Variants in RPTOR observed in about 807,000 individuals in gnomAD.
RPTOR encodes regulatory associated protein of MTOR complex 1, also known as regulatory-associated protein of mTOR.
In RPTOR, 21 loss-of-function variants were observed where a neutral mutation model predicts 169.9. That is an observed-to-expected ratio of 0.12 (90% confidence interval 0.09 to 0.18). RPTOR has a LOEUF of 0.18. Among genes scored for constraint, RPTOR ranks in the 10% least tolerant of loss-of-function variants. The pLI is 1.00. For synonymous variants in RPTOR, 732 were observed against 753.2 expected (o/e 0.97, Z 0.46); for missense variants, 1,133 against 1,855.9 (o/e 0.61, Z 7.16).
At chr17:80,809,021 AAT>A (rs1429737445) in intron 7 of RPTOR, among the ~76,000 whole-genome samples, 1 of 152,182 alleles carries the variant, frequency 6.6e-6, no homozygotes, top group African/African-American at 2.4e-5. Flanking sequence ...CTCCTGGATA[AAT>A]ACCGGAGAGT....
intron 3 of RPTOR, among the ~76,000 whole-genome samples, chr17:80,667,752 G>A (rs2065791608): frequency 6.6e-6 from 1 of 152,214 alleles, no homozygotes. Flanking sequence ...GATACTAACT[G>A]CAGTTTGGAC....
At position 80,730,775 on chromosome 17, in the gene RPTOR, T is replaced by TG; in HGVS notation, c.654+73dup. On this transcript the variant is annotated intron_variant, in intron 5 of 33. Coordinates refer to ENST00000306801, the MANE Select transcript of RPTOR (RefSeq NM_020761.3). The surrounding 1 kb of genome is among the most constrained non-coding windows in gnomAD (Gnocchi z 4.2). ...GTTTTCCCTGGGGGTGGGGTTTGGG[T>TG]GGGGAGGTTGGGAGGTGTTGGACAT... The TG allele has an allele frequency of 1.1e-5, 5 of 454,482 alleles. No individual in the cohort carries two copies. Among genetic ancestry groups the TG allele is most frequent in the East Asian group, 5.4e-5 (1 of 18,578 alleles). The allele number at this position is 454,482 out of a possible 1,614,324, so 28.2% of individuals were successfully genotyped here.
Position 80,823,706 on chromosome 17 carries a change from C to G in RPTOR, c.1136+483C>G, listed in dbSNP as rs978105911. The G allele has an allele frequency of 6.4e-6, 1 of 155,134 alleles. No homozygotes were observed. Among genetic ancestry groups the G allele is most frequent in the African/African-American group, 2.4e-5 (1 of 41,294 alleles). The allele number at this position is 155,134 out of a possible 1,614,324, so 9.6% of individuals were successfully genotyped here. On this transcript the variant is annotated intron_variant, in intron 9 of 33. Coordinates refer to ENST00000306801, the MANE Select transcript of RPTOR (RefSeq NM_020761.3). This position sits in a 1 kb window ranked among gnomAD's most constrained non-coding sequence, Gnocchi z 4.5. The stretch of plus-strand genomic sequence containing the variant: ...CGCTCATAAGTGTAATCCTTTATGA[C>G]TATTGATTATAGTTCTCTCCCATTG...
At chr17:80,723,931 A>C (rs967005701) in intron 4 of RPTOR, among the ~76,000 whole-genome samples, 2 of 151,394 alleles carry the variant, frequency 1.3e-5, no homozygotes, top group Non-Finnish European at 2.9e-5. Context: ...CATAGAGAGC[A>C]TGTGATTAGA....
At chr17:80,652,094 T>A (rs1419654757) in intron 3 of RPTOR, among the ~76,000 whole-genome samples, 1 of 146,646 alleles carries the variant, frequency 6.8e-6, no homozygotes, top group Non-Finnish European at 1.5e-5. Flanking sequence ...CGCTTGAACC[T>A]GGGAGGTGGA....
At chr17:80,963,225 G>A (rs981943095) in intron 33 of RPTOR, among the ~76,000 whole-genome samples, 168 bp downstream of exon 33, 1 of 152,204 alleles carries the variant, frequency 6.6e-6, no homozygotes, top group Non-Finnish European at 1.5e-5. Context: ...TAGGGCCCCT[G>A]CCCCACCCTG....
chr17:80,644,077 G>T (rs2065573995), intron 3 of RPTOR, among the ~76,000 whole-genome samples: 1 of 152,198 alleles, frequency 6.6e-6, no homozygotes, highest in Admixed American at 6.5e-5. Flanking sequence ...TTTTAGAAAA[G>T]AAAAAGTATT....
chr17:80,882,639 A>AG (rs905858555), intron 14 of RPTOR, among the ~76,000 whole-genome samples: 2 of 152,208 alleles, frequency 1.3e-5, no homozygotes, highest in African/African-American at 4.8e-5. Flanking sequence ...ATGGCTAGAA[A>AG]GACCACATGT....
intron 24 of RPTOR, among the ~76,000 whole-genome samples, chr17:80,935,417 C>A (rs2068943703): frequency 6.6e-6 from 1 of 151,976 alleles, no homozygotes; most frequent in Admixed American, 6.6e-5. Context: ...ACTAGAAGAA[C>A]AAAGTTAGAA....
intron 25 of RPTOR, among the ~76,000 whole-genome samples, chr17:80,942,399 G>A (rs1000848226): frequency 2.5e-4 from 38 of 149,558 alleles, no homozygotes; most frequent in Admixed American, 1.1e-3. Flanking sequence ...ACCCAAAACC[G>A]AGATTTCTAG....
intron 20 of RPTOR, 30 bp from the exon 21 acceptor site, chr17:80,908,781 A>G (rs2068575953): frequency 6.5e-7 from 1 of 1,547,500 alleles, no homozygotes. Context: ...GCTACTTTCC[A>G]CTAAAACATC....
intron 1 of RPTOR, among the ~76,000 whole-genome samples, chr17:80,608,606 T>C (rs781698144): frequency 1.2e-4 from 19 of 152,170 alleles, no homozygotes; most frequent in Non-Finnish European, 2.5e-4. Flanking sequence ...TGGAAGTGTG[T>C]GGGGACGTGG....
chr17:80,933,967 G>T (rs1598409804), intron 24 of RPTOR, among the ~76,000 whole-genome samples: 3 of 151,854 alleles, frequency 2.0e-5, no homozygotes, highest in East Asian at 3.9e-4. Flanking sequence ...TTTGAGATGG[G>T]GTCTCATTCT....
At chr17:80,700,363 A>T (rs1466080580) in intron 3 of RPTOR, among the ~76,000 whole-genome samples, 1 of 135,138 alleles carries the variant, frequency 7.4e-6, no homozygotes, top group Non-Finnish European at 1.5e-5. Flanking sequence ...ATGATCTAAG[A>T]AATAGATAAG....
intron 13 of RPTOR, among the ~76,000 whole-genome samples, chr17:80,863,045 C>T (rs1436392002): frequency 6.6e-6 from 1 of 152,200 alleles, no homozygotes; most frequent in African/African-American, 2.4e-5. Flanking sequence ...CCGTGTGTCC[C>T]ATTGTGCCAG....
In RPTOR at chr17:80,822,273, C is replaced by T; in HGVS notation, c.963C>T (p.Asp321=). 4 of 1,614,212 alleles carry T rather than the reference C, an allele frequency of 2.5e-6. No individual in the cohort carries two copies. The highest frequency in any genetic ancestry group is 3.4e-6 in the Non-Finnish European group (4 of 1,180,020). Residue 321 remains aspartate, a synonymous_variant, in exon 8 of 34, where the codon GAC becomes GAT. Transcript: ENST00000306801. ...ELNWIFTAIT[D]TIAWNVLPRD... ...ACTGGATCTTCACAGCCATCACAGA[C>T]ACCATCGCGTGGAACGTGCTCCCCC...
intron 4 of RPTOR, among the ~76,000 whole-genome samples, chr17:80,717,453 G>C (rs1567872872): frequency 1.3e-5 from 2 of 152,122 alleles, no homozygotes; most frequent in Admixed American, 1.3e-4. Context: ...GTCTTTCTTG[G>C]TTGTATTTTC....
intron 20 of RPTOR, among the ~76,000 whole-genome samples, chr17:80,901,984 G>A (rs566523093): frequency 2.4e-4 from 37 of 152,266 alleles, no homozygotes; most frequent in African/African-American, 8.7e-4. Context: ...GGTGGGGCAG[G>A]ATAAATGTTT....
chr17:80,660,326 T>C (rs1383673204), intron 3 of RPTOR, among the ~76,000 whole-genome samples: 1 of 150,874 alleles, frequency 6.6e-6, no homozygotes, highest in Non-Finnish European at 1.5e-5. Context: ...AAGTTGATAA[T>C]AGCTCTTCTT....
Sources: allele counts gnomAD v4.1 joint callset (sites outside exome capture counted in the v4.1 genomes callset), GRCh38; gene constraint gnomAD v4.1.1; non-coding constraint Gnocchi (gnomAD v3.1); transcripts MANE v1.5; gene names NCBI Gene and HGNC (gene_info 2026-07-23, HGNC 2026-07-21).